CSTPP1: variants seen among roughly 807,000 people sequenced by gnomAD.
The protein encoded by CSTPP1 is centriolar satellite-associated tubulin polyglutamylase complex regulator 1, also known as UPF0705 protein C11orf49.
the CSTPP1 span, among the ~76,000 whole-genome samples, chr11:47,131,343 G>C: frequency 2.0e-5 from 3 of 152,168 alleles, no homozygotes; most frequent in Non-Finnish European, 2.9e-5. Context: ...GGTCTGCAAG[G>C]AGGATGTAGA....
At chr11:46,941,988 T>C in the CSTPP1 span, among the ~76,000 whole-genome samples, 1 of 152,174 alleles carries the variant, frequency 6.6e-6, no homozygotes, top group Admixed American at 6.5e-5. Context: ...TAGCTAGGGA[T>C]TGTATTTACC....
the CSTPP1 span, among the ~76,000 whole-genome samples, chr11:46,988,613 C>T: frequency 6.6e-6 from 1 of 151,812 alleles, no homozygotes; most frequent in East Asian, 1.9e-4. Context: ...TTGATGGTTA[C>T]AAAAAAGAAA....
At chr11:47,032,125 G>A in the CSTPP1 span, among the ~76,000 whole-genome samples, 3 of 152,052 alleles carry the variant, frequency 2.0e-5, no homozygotes, top group Admixed American at 1.3e-4. Flanking sequence ...CACCCTCACC[G>A]ACACACCCAG....
chr11:47,100,224 A>G, the CSTPP1 span, among the ~76,000 whole-genome samples: 7 of 152,150 alleles, frequency 4.6e-5, no homozygotes, highest in African/African-American at 1.7e-4. Flanking sequence ...CCCTCCCTCA[A>G]ATTTATTCCC....
chr11:46,986,703 A>G, the CSTPP1 span, among the ~76,000 whole-genome samples: 2 of 152,090 alleles, frequency 1.3e-5, no homozygotes, highest in Non-Finnish European at 2.9e-5. Context: ...CCTGACCTCA[A>G]GTGATCCACC....
At chr11:46,968,309 C>G in the CSTPP1 span, among the ~76,000 whole-genome samples, 2 of 147,802 alleles carry the variant, frequency 1.4e-5, no homozygotes, top group Admixed American at 6.8e-5. Flanking sequence ...AAACATCCCT[C>G]AATACAATTC....
chr11:47,008,362 T>C, the CSTPP1 span, among the ~76,000 whole-genome samples: 2 of 152,198 alleles, frequency 1.3e-5, no homozygotes, highest in East Asian at 3.8e-4. Flanking sequence ...ATCAGTTGAA[T>C]CTTCCAGAAC....
the CSTPP1 span, chr11:47,052,477 G>T: frequency 3.1e-6 from 5 of 1,613,890 alleles, no homozygotes; most frequent in Non-Finnish European, 4.2e-6. Flanking sequence ...TCATTTTTAC[G>T]GGCCTTCTGG....
chr11:47,070,122 G>A, the CSTPP1 span, among the ~76,000 whole-genome samples: 1 of 152,018 alleles, frequency 6.6e-6, no homozygotes, highest in Admixed American at 6.6e-5. Context: ...TGCACATGCC[G>A]GTAATCTCAC....
chr11:47,139,719 G>A, the CSTPP1 span, among the ~76,000 whole-genome samples: 2 of 151,914 alleles, frequency 1.3e-5, no homozygotes, highest in Non-Finnish European at 2.9e-5. Flanking sequence ...CCAGTTGAGG[G>A]AAGGGTACTG....
At chr11:47,019,803 G>A in the CSTPP1 span, among the ~76,000 whole-genome samples, 1 of 152,164 alleles carries the variant, frequency 6.6e-6, no homozygotes, top group Non-Finnish European at 1.5e-5. Flanking sequence ...AGCACATGCT[G>A]TTGGCACCCA....
At chr11:47,037,653 T>G in the CSTPP1 span, among the ~76,000 whole-genome samples, 1 of 121,538 alleles carries the variant, frequency 8.2e-6, no homozygotes, top group African/African-American at 2.5e-5. Context: ...CCTTAATCCA[T>G]TCAACCCTGA....
chr11:46,971,091 T>G, the CSTPP1 span, among the ~76,000 whole-genome samples: 1 of 152,158 alleles, frequency 6.6e-6, no homozygotes, highest in Non-Finnish European at 1.5e-5. Flanking sequence ...TCACATGTAG[T>G]GTAAGTTATG....
the CSTPP1 span, among the ~76,000 whole-genome samples, chr11:47,121,586 G>A: frequency 6.6e-6 from 1 of 152,150 alleles, no homozygotes; most frequent in Non-Finnish European, 1.5e-5. Flanking sequence ...CAAGTAAATA[G>A]CAATTGATTA....
At chr11:47,123,851 A>G in the CSTPP1 span, among the ~76,000 whole-genome samples, 1 of 152,064 alleles carries the variant, frequency 6.6e-6, no homozygotes, top group Admixed American at 6.6e-5. Flanking sequence ...AAATACAAAA[A>G]TTAGCCAGTG....
At chr11:47,131,807 C>T in the CSTPP1 span, among the ~76,000 whole-genome samples, 1 of 151,820 alleles carries the variant, frequency 6.6e-6, no homozygotes, top group African/African-American at 2.4e-5. Flanking sequence ...TGAAACCTCA[C>T]CTCTACTAAA....
chr11:47,123,650 T>C, the CSTPP1 span, among the ~76,000 whole-genome samples: 1 of 152,114 alleles, frequency 6.6e-6, no homozygotes, highest in Admixed American at 6.6e-5. Context: ...GAAAACAAGA[T>C]GGGGGTAGAG....
At chr11:47,004,112 CT>C in the CSTPP1 span, among the ~76,000 whole-genome samples, 36 of 150,516 alleles carry the variant, frequency 2.4e-4, no homozygotes, top group Admixed American at 4.6e-4. Flanking sequence ...ATCTTGAGGA[CT>C]TTTTAGTCTC....
At chr11:46,980,568 A>T in the CSTPP1 span, among the ~76,000 whole-genome samples, 1 of 152,202 alleles carries the variant, frequency 6.6e-6, no homozygotes. Flanking sequence ...TAATAGGCTT[A>T]TACACTTGGA....
Sources: gnomAD v4.1 joint callset for allele counts (sites outside exome capture counted in the v4.1 genomes callset) on GRCh38, gnomAD v4.1.1 for gene constraint, MANE v1.5 for transcripts, NCBI Gene and HGNC (gene_info 2026-07-23, HGNC 2026-07-21) for gene names.